FAM120A: variants seen among roughly 807,000 people sequenced by gnomAD.
The protein encoded by FAM120A is constitutive coactivator of PPAR-gamma-like protein 1.
Under a neutral mutation model 109.7 loss-of-function variants are expected in FAM120A, and 15 were observed. That is an observed-to-expected ratio of 0.14 (90% CI 0.09 to 0.21). The LOEUF is 0.21. Ranked by LOEUF, FAM120A falls within the 10% of genes least tolerant of loss-of-function variation. FAM120A has a pLI of 1.00. For synonymous variants in FAM120A, 493 were observed against 572.8 expected (o/e 0.86, Z 1.99); for missense variants, 899 against 1,439.3 (o/e 0.62, Z 6.07).
At chr9:93,458,892 T>C (rs898201966) in intron 1 of FAM120A, among the ~76,000 whole-genome samples, 1 of 152,184 alleles carries the variant, frequency 6.6e-6, no homozygotes, top group African/African-American at 2.4e-5. Context: ...TATTCAGACT[T>C]GTAGACCTTC....
chr9:93,554,092 A>G (rs1348358854), intron 12 of FAM120A, among the ~76,000 whole-genome samples: 1 of 143,984 alleles, frequency 6.9e-6, no homozygotes, highest in East Asian at 2.2e-4. Context: ...TCTTAAAAGT[A>G]TAATCCTTTA....
chr9:93,538,109 A>G (rs1861582839), intron 10 of FAM120A, among the ~76,000 whole-genome samples: 1 of 152,070 alleles, frequency 6.6e-6, no homozygotes, highest in South Asian at 2.1e-4. Flanking sequence ...TAGGAATAAC[A>G]TACATGGAAT....
intron 8 of FAM120A, among the ~76,000 whole-genome samples, chr9:93,528,388 T>G (rs895510132): frequency 6.6e-6 from 1 of 152,246 alleles, no homozygotes; most frequent in Non-Finnish European, 1.5e-5. Flanking sequence ...TGGCATTAAA[T>G]CAATCAATAA....
rs990792161 is a variant in FAM120A, at chr9:93,565,718, C to G, written c.*1178C>G. On this transcript the variant is annotated 3_prime_UTR_variant, in exon 18 of 18. Coordinates refer to ENST00000277165, the MANE Select transcript of FAM120A (RefSeq NM_014612.5). The stretch of plus-strand genomic sequence containing the variant: ...TTAAAAAAAAAAAAACCACCCCCCC[C>G]TTCTGTAGCAGGAAACAAATTGCTT... The G allele has an allele frequency of 2.6e-5, 4 of 151,584 alleles. No homozygotes were observed. Among genetic ancestry groups the G allele is most frequent in the Non-Finnish European group, 5.9e-5 (4 of 67,866 alleles). 9.4% of individuals were successfully genotyped at this position (151,584 alleles called of 1,614,324 possible).
chr9:93,511,433 T>A (rs983375422), intron 5 of FAM120A, among the ~76,000 whole-genome samples: 1 of 152,342 alleles, frequency 6.6e-6, no homozygotes, highest in South Asian at 2.1e-4. Context: ...AGTCCAGGCT[T>A]GGCCAGCCTG....
intron 5 of FAM120A, among the ~76,000 whole-genome samples, chr9:93,509,627 GTTATA>G (rs1051442255): frequency 6.6e-6 from 1 of 152,150 alleles, no homozygotes; most frequent in Non-Finnish European, 1.5e-5. Flanking sequence ...CCTTAAAAAT[GTTATA>G]TTAAATCCTC....
chr9:93,536,084 A>G lies in FAM120A; in HGVS notation c.1909+3755A>G, dbSNP rs1227030810. ...TAGGAAAATGTCTCATTGTGCCACA[A>G]TGAAGCTGACATTGAAAAGTTTCTC... is the stretch of plus-strand genomic sequence containing the variant. On this transcript the variant is annotated intron_variant, in intron 10 of 17. Transcript: ENST00000277165. 2.6e-5 allele frequency among the ~76,000 whole-genome samples: 4 copies of G among 152,348 alleles called. No homozygotes were observed. The East Asian group carries it at 5.8e-4, about 22-fold the overall frequency.
rs774263964 is a variant in FAM120A, at chr9:93,565,694, TA to T, written c.*1167del. 2,997 of 140,550 alleles carry T rather than the reference TA, an allele frequency of 0.021. 80 individuals are homozygous for T. Among genetic ancestry groups the T allele is most frequent in the African/African-American group, 0.067 (2,597 of 38,674 alleles). The allele number at this position is 140,550 out of a possible 1,614,324, so 8.7% of individuals were successfully genotyped here. On this transcript the variant is annotated 3_prime_UTR_variant, in exon 18 of 18. Coordinates refer to ENST00000277165, the MANE Select transcript of FAM120A (RefSeq NM_014612.5). ...TCTGTGAAAAAAAACCCTTTGATCTTAAAAAAAAAAAAACCACCCCCCCCTT... is the reference window on the plus strand; with the variant it reads ...TCTGTGAAAAAAAACCCTTTGATCTTAAAAAAAAAAAACCACCCCCCCCTT...
intron 10 of FAM120A, among the ~76,000 whole-genome samples, chr9:93,534,928 GC>G (rs1340829488): frequency 6.6e-6 from 1 of 152,182 alleles, no homozygotes; most frequent in Non-Finnish European, 1.5e-5. Context: ...CAGAGGCCCA[GC>G]CAGCTGCACT....
At chr9:93,507,888 G>A (rs1225267198) in intron 5 of FAM120A, among the ~76,000 whole-genome samples, 1 of 152,190 alleles carries the variant, frequency 6.6e-6, no homozygotes, top group African/African-American at 2.4e-5. Flanking sequence ...GAAGAGGATA[G>A]GATGGGTGGC....
At chr9:93,453,157 CAG>C (rs1385842287) in intron 1 of FAM120A, 36 of 1,002,834 alleles carry the variant, frequency 3.6e-5, no homozygotes, top group Middle Eastern at 4.9e-4. Context: ...CGCTCAAAAT[CAG>C]GGGGCGAACT....
chr9:93,543,617 G>C (rs1015827562), intron 11 of FAM120A, 146 bp downstream of exon 11: 1 of 1,089,222 alleles, frequency 9.2e-7, no homozygotes. Context: ...ATTTATATAT[G>C]TGATAGAAAT....
intron 5 of FAM120A, among the ~76,000 whole-genome samples, chr9:93,507,630 T>C (rs1201186460): frequency 1.3e-5 from 2 of 151,614 alleles, no homozygotes; most frequent in Non-Finnish European, 2.9e-5. Context: ...ACAGAAAGAG[T>C]GGCTCAGCGA....
At chr9:93,454,092 T>C (rs905895667) in intron 1 of FAM120A, among the ~76,000 whole-genome samples, 2 of 152,218 alleles carry the variant, frequency 1.3e-5, no homozygotes, top group Non-Finnish European at 2.9e-5. Context: ...GCACACCTAG[T>C]AGGTGCTCAG....
chr9:93,490,353 A>T (rs1344906269), intron 3 of FAM120A, among the ~76,000 whole-genome samples: 3 of 152,214 alleles, frequency 2.0e-5, no homozygotes, highest in Non-Finnish European at 4.4e-5. Context: ...TGTATGGTAT[A>T]TTTAATTAGC....
chr9:93,540,049 TTCATGTTTAA>T (rs1861641854), intron 10 of FAM120A, among the ~76,000 whole-genome samples: 1 of 152,220 alleles, frequency 6.6e-6, no homozygotes, highest in Non-Finnish European at 1.5e-5. Flanking sequence ...CTAGGTGCTT[TTCATGTTTAA>T]TCATCAGGAC....
At chr9:93,467,390 C>T (rs57303681) in intron 1 of FAM120A, among the ~76,000 whole-genome samples, 20,816 of 151,868 alleles carry the variant, frequency 0.14, 3,287 homozygotes, top group African/African-American at 0.38. Context: ...TTAATTTTAA[C>T]GAGAGGGAAG....
At chr9:93,512,385 T>C (rs1469732165) in intron 5 of FAM120A, among the ~76,000 whole-genome samples, 1 of 152,252 alleles carries the variant, frequency 6.6e-6, no homozygotes, top group Admixed American at 6.5e-5. Context: ...GTCAAGATCA[T>C]ACAGCCGAGG....
intron 11 of FAM120A, among the ~76,000 whole-genome samples, chr9:93,547,333 A>C (rs915230076): frequency 1.3e-5 from 2 of 152,246 alleles, no homozygotes; most frequent in Non-Finnish European, 2.9e-5. Context: ...ATAAGGCTCC[A>C]GAGCAATGCT....
Sources: allele counts gnomAD v4.1 joint callset (sites outside exome capture counted in the v4.1 genomes callset), GRCh38; gene constraint gnomAD v4.1.1; transcripts MANE v1.5; gene names NCBI Gene and HGNC (gene_info 2026-07-23, HGNC 2026-07-21).